OTUD7A: variants seen among roughly 807,000 people sequenced by gnomAD.
The protein encoded by OTUD7A is OTU deubiquitinase 7A, also known as OTU domain-containing protein 7A.
A neutral mutation model predicts 65.7 loss-of-function variants in OTUD7A; 12 were observed. The ratio of observed to expected loss-of-function variants is 0.18; its 90% CI spans 0.12 to 0.30. The LOEUF (loss-of-function observed/expected upper bound fraction) is 0.30, where lower values mean the gene tolerates loss of function less well. Among genes scored for constraint, OTUD7A ranks in the 10% least tolerant of loss-of-function variants. OTUD7A has a pLI of 1.00. For missense variants in OTUD7A, 1,148 were observed against 1,304.8 expected (o/e 0.88, Z 1.85); for synonymous variants, 641 against 586.3 (o/e 1.09, Z -1.35).
chr15:31,860,704 T>C (rs1316721849), intron 1 of OTUD7A, among the ~76,000 whole-genome samples: 3 of 134,334 alleles, frequency 2.2e-5, no homozygotes, highest in South Asian at 2.4e-4. Flanking sequence ...TATATATGTA[T>C]GTATATATAT....
intron 3 of OTUD7A, among the ~76,000 whole-genome samples, chr15:31,623,135 A>G (rs1438818893): frequency 6.6e-6 from 1 of 152,220 alleles, no homozygotes; most frequent in Non-Finnish European, 1.5e-5. Flanking sequence ...GTTTCGTCTC[A>G]GAGGGGTACC....
intron 1 of OTUD7A, among the ~76,000 whole-genome samples, chr15:31,703,529 T>C (rs1399471418): frequency 6.6e-6 from 1 of 151,994 alleles, no homozygotes; most frequent in African/African-American, 2.4e-5. Context: ...TGAGTTATCA[T>C]TACACATCTA....
chr15:31,541,504 C>T (rs1301729715), intron 5 of OTUD7A, among the ~76,000 whole-genome samples: 2 of 152,032 alleles, frequency 1.3e-5, no homozygotes, highest in South Asian at 2.1e-4. Flanking sequence ...TGTCTCTGGT[C>T]GTTTGAAAAG....
chr15:31,617,878 A>G (rs1235882644), intron 3 of OTUD7A, among the ~76,000 whole-genome samples: 1 of 152,072 alleles, frequency 6.6e-6, no homozygotes, highest in African/African-American at 2.4e-5. Context: ...TGCTGCACCC[A>G]TTAATTCGTC....
chr15:31,514,358 T>G (rs867086050), intron 8 of OTUD7A, among the ~76,000 whole-genome samples: 2 of 152,160 alleles, frequency 1.3e-5, no homozygotes, highest in African/African-American at 4.8e-5. Flanking sequence ...GCTCCCATCA[T>G]TTCTTAGAGC....
intron 1 of OTUD7A, among the ~76,000 whole-genome samples, chr15:31,821,637 T>G (rs1896686006): frequency 1.3e-5 from 2 of 152,190 alleles, no homozygotes. Context: ...TCCCTAGAAG[T>G]GGAATTACTG....
chr15:31,583,154 C>T (rs559250489), intron 3 of OTUD7A, among the ~76,000 whole-genome samples: 1 of 152,226 alleles, frequency 6.6e-6, no homozygotes, highest in Non-Finnish European at 1.5e-5. Flanking sequence ...ACCACCACTG[C>T]CTTTCTCCAT....
chr15:31,780,379 G>C (rs535604407), intron 1 of OTUD7A, among the ~76,000 whole-genome samples: 2 of 152,158 alleles, frequency 1.3e-5, no homozygotes, highest in Non-Finnish European at 2.9e-5. Flanking sequence ...CTTTACTATA[G>C]ATTAAATTTC....
chr15:31,811,854 A>C (rs760535934), intron 1 of OTUD7A, among the ~76,000 whole-genome samples: 5 of 152,142 alleles, frequency 3.3e-5, no homozygotes, highest in Non-Finnish European at 5.9e-5. Context: ...TTTTCCTATC[A>C]GCCTTTCAGA....
chr15:31,623,533 C>T (rs537385506), intron 3 of OTUD7A, among the ~76,000 whole-genome samples: 13 of 152,310 alleles, frequency 8.5e-5, no homozygotes, highest in Non-Finnish European at 1.8e-4. Flanking sequence ...TAGCAATGAG[C>T]GAGGCTCCGT....
At position 31,863,970 on chromosome 15, in the gene OTUD7A, A is replaced by C. The variant is rs138282611; in HGVS notation, c.-100+6537T>G. Among the ~76,000 whole-genome samples, 69 of 152,340 alleles carry C rather than the reference A, an allele frequency of 4.5e-4. 1 individual carries two copies. In the East Asian group the frequency reaches 0.011, roughly 25 times the overall value. ...TTGCTGCTTAGAAGTTTCTTCTGCCAGATACCCTAAATCATCTCTCTTAAG... is the reference window on the plus strand; with the variant it reads ...TTGCTGCTTAGAAGTTTCTTCTGCCCGATACCCTAAATCATCTCTCTTAAG... On this transcript the variant is annotated intron_variant, in intron 1 of 12. Coordinates refer to ENST00000307050, the MANE Select transcript of OTUD7A (RefSeq NM_001382637.1).
chr15:31,760,541 C>T (rs577350360), intron 1 of OTUD7A, among the ~76,000 whole-genome samples: 2 of 152,332 alleles, frequency 1.3e-5, no homozygotes, highest in South Asian at 4.1e-4. Flanking sequence ...AAGTTATCTT[C>T]CGTTGTCTTC....
intron 1 of OTUD7A, among the ~76,000 whole-genome samples, chr15:31,835,410 C>T (rs1897029563): frequency 6.6e-6 from 1 of 152,178 alleles, no homozygotes; most frequent in Admixed American, 6.5e-5. Context: ...GAAGCACAAA[C>T]TTGTTTGACC....
rs2041121538 is a variant in OTUD7A at position 31,481,677 on chromosome 15, T to C, written c.*1617A>G. Reference sequence around the variant, plus strand: ...TGGAATAATTAAAAACAAAAAGGCATTACTCACAGGAGATACTCAATTATT... The same window carrying C: ...TGGAATAATTAAAAACAAAAAGGCACTACTCACAGGAGATACTCAATTATT... On this transcript the variant is annotated 3_prime_UTR_variant, in exon 13 of 13. Transcript: ENST00000307050. 1 of 152,406 alleles carries C rather than the reference T, an allele frequency of 6.6e-6. No individual in the cohort carries two copies. The highest frequency in any genetic ancestry group is 1.5e-5 in the Non-Finnish European group (1 of 68,024). The allele number at this position is 152,406 out of a possible 1,614,324, so 9.4% of individuals were successfully genotyped here.
At chr15:31,818,030 G>A (rs774493211) in intron 1 of OTUD7A, among the ~76,000 whole-genome samples, 18 of 152,142 alleles carry the variant, frequency 1.2e-4, no homozygotes, top group Admixed American at 2.0e-4. Context: ...AGGATGTCAC[G>A]TTCATCCCGT....
chr15:31,624,510 G>A (rs1332694297), intron 3 of OTUD7A, among the ~76,000 whole-genome samples: 1 of 152,188 alleles, frequency 6.6e-6, no homozygotes, highest in Non-Finnish European at 1.5e-5. Flanking sequence ...GTTGGCCCCA[G>A]AGGGACTTTG....
In OTUD7A at chr15:31,782,299, C is replaced by T. The variant is rs112301543; in HGVS notation, c.-100+88208G>A. Among the ~76,000 whole-genome samples, 246 of 152,302 alleles carry T rather than the reference C, an allele frequency of 1.6e-3. 1 individual carries two copies. The highest frequency in any genetic ancestry group is 4.8e-3 in the African/African-American group (198 of 41,558). The stretch of plus-strand genomic sequence containing the variant: ...AGGAGCAGCTGGGAGGAGCAAATCC[C>T]GGTCTCTAAACTGGACCCAAAGGAA... On this transcript the variant is annotated intron_variant, in intron 1 of 12. Transcript: ENST00000307050.
At chr15:31,816,907 C>T (rs972679921) in intron 1 of OTUD7A, among the ~76,000 whole-genome samples, 6 of 152,086 alleles carry the variant, frequency 3.9e-5, no homozygotes, top group African/African-American at 1.4e-4. Flanking sequence ...GGATATGAAC[C>T]GCAAGAAGGT....
intron 3 of OTUD7A, among the ~76,000 whole-genome samples, chr15:31,620,116 C>T (rs1042194402): frequency 1.3e-5 from 2 of 152,154 alleles, no homozygotes; most frequent in African/African-American, 4.8e-5. Context: ...AGGGATGAAG[C>T]CCACTTGATC....
Sources: gnomAD v4.1 joint callset for allele counts (sites outside exome capture counted in the v4.1 genomes callset) on GRCh38, gnomAD v4.1.1 for gene constraint, MANE v1.5 for transcripts, NCBI Gene and HGNC (gene_info 2026-07-23, HGNC 2026-07-21) for gene names.